The following VDAC1 variants were observed in gnomAD, a reference collection of about 807,000 sequenced individuals.
The protein encoded by VDAC1 is voltage dependent anion channel 1.
VDAC1 carries 10 observed loss-of-function variants against 34.7 expected under a neutral mutation model. The observed-to-expected ratio is 0.29, with a 90% CI of 0.18 to 0.49. The LOEUF (loss-of-function observed/expected upper bound fraction) is 0.49. Ranked by LOEUF, VDAC1 falls within the 20% of genes least tolerant of loss-of-function variation. VDAC1 has a pLI of 0.99. For synonymous variants in VDAC1, 130 were observed against 136.0 expected (o/e 0.96, Z 0.30); for missense variants, 230 against 347.9 (o/e 0.66, Z 2.69).
chr5:134,035,460 C>G, the VDAC1 span, among the ~76,000 whole-genome samples: 9 of 152,306 alleles, frequency 5.9e-5, no homozygotes, highest in South Asian at 1.9e-3. Flanking sequence ...TTTGCCCAGA[C>G]TGGTCTTGAA....
the VDAC1 span, among the ~76,000 whole-genome samples, chr5:134,092,020 T>C: frequency 6.6e-6 from 1 of 152,242 alleles, no homozygotes; most frequent in African/African-American, 2.4e-5. Flanking sequence ...TGCGCCACTC[T>C]CTGCTCGTTG....
chr5:133,990,875 T>C lies in VDAC1; in HGVS notation c.303A>G (p.Ser101=). Residue 101 remains serine, a synonymous_variant, in exon 5 of 9, where the codon TCA becomes TCG. Transcript: ENST00000265333. ...LARGLKLTFD[S]SFSPNTGKKN... ...CTTACCCAGTGTTAGGTGAGAAGGATGAATCGAAGGTCAGCTTCAGTCCAC... is the reference window on the plus strand; with the variant it reads ...CTTACCCAGTGTTAGGTGAGAAGGACGAATCGAAGGTCAGCTTCAGTCCAC... 1 of 1,562,738 alleles carries C rather than the reference T, an allele frequency of 6.4e-7. No individual in the cohort carries two copies.
intron 5 of VDAC1, chr5:133,988,780 A>C (rs1208187540): frequency 2.6e-5 from 4 of 152,104 alleles, no homozygotes; most frequent in African/African-American, 9.7e-5. Flanking sequence ...CCCAAAAAAA[A>C]AAAAAACCAA....
chr5:134,059,053 G>A, the VDAC1 span, among the ~76,000 whole-genome samples: 1 of 152,234 alleles, frequency 6.6e-6, no homozygotes, highest in Non-Finnish European at 1.5e-5. Flanking sequence ...CTAGATTGTG[G>A]CTTGCCAACC....
chr5:134,111,969 A>G, the VDAC1 span, among the ~76,000 whole-genome samples: 3 of 152,184 alleles, frequency 2.0e-5, no homozygotes, highest in Non-Finnish European at 4.4e-5. Context: ...ATTAAATGAG[A>G]TAATGTGTGT....
chr5:134,021,186 CT>C, the VDAC1 span, among the ~76,000 whole-genome samples: 476 of 146,516 alleles, frequency 3.2e-3, 4 homozygotes, highest in Admixed American at 5.4e-3. Context: ...GAGACCTTGT[CT>C]TTTTTTTTTT....
chr5:134,050,646 G>A, the VDAC1 span, among the ~76,000 whole-genome samples: 1 of 152,220 alleles, frequency 6.6e-6, no homozygotes, highest in Admixed American at 6.5e-5. Flanking sequence ...CAATGTACTG[G>A]TTGACTTGAA....
At chr5:133,994,412 C>T (rs1316796162) in intron 1 of VDAC1, among the ~76,000 whole-genome samples, 10 of 152,174 alleles carry the variant, frequency 6.6e-5, no homozygotes, top group Non-Finnish European at 1.5e-4. Context: ...CTATTTTTGT[C>T]GCTGCTGTGT....
chr5:134,074,305 AAAATAAAT>A, the VDAC1 span, among the ~76,000 whole-genome samples: 26,186 of 136,622 alleles, frequency 0.19, 2,665 homozygotes, highest in East Asian at 0.31. Flanking sequence ...ACTCCATCTC[AAAATAAAT>A]AAATAAATAA....
At chr5:133,994,068 A>T (rs912351408) in intron 1 of VDAC1, among the ~76,000 whole-genome samples, 2 of 152,222 alleles carry the variant, frequency 1.3e-5, no homozygotes, top group African/African-American at 4.8e-5. Context: ...ATCAAAATTC[A>T]TCTGCATATA....
chr5:134,087,788 G>A, the VDAC1 span, among the ~76,000 whole-genome samples: 16 of 141,306 alleles, frequency 1.1e-4, no homozygotes, highest in South Asian at 9.1e-4. Flanking sequence ...CCCGGGAGGC[G>A]GAGGTTGCAG....
At chr5:134,071,516 TC>T in the VDAC1 span, among the ~76,000 whole-genome samples, 4 of 152,188 alleles carry the variant, frequency 2.6e-5, no homozygotes, top group South Asian at 8.3e-4. The surrounding 1 kb of genome is among the most constrained non-coding windows in gnomAD (Gnocchi z 4.1). Flanking sequence ...GCTCTCAGCC[TC>T]CGGCACTTTT....
the VDAC1 span, among the ~76,000 whole-genome samples, chr5:134,039,538 C>T: frequency 3.3e-3 from 509 of 152,186 alleles, 3 homozygotes; most frequent in Middle Eastern, 0.014. Flanking sequence ...ACCGTGTTAG[C>T]CAGGATGGTC....
chr5:134,032,504 G>A, the VDAC1 span, among the ~76,000 whole-genome samples: 1 of 152,160 alleles, frequency 6.6e-6, no homozygotes, highest in African/African-American at 2.4e-5. Context: ...ACATGTGCAA[G>A]ATTATTCTGT....
At chr5:133,989,609 C>T (rs1409847590) in intron 5 of VDAC1, among the ~76,000 whole-genome samples, 3 of 152,094 alleles carry the variant, frequency 2.0e-5, no homozygotes, top group Non-Finnish European at 4.4e-5. Context: ...ATCCACCCAC[C>T]TCAGCCTCCC....
the VDAC1 span, among the ~76,000 whole-genome samples, chr5:134,105,085 C>T: frequency 6.6e-6 from 1 of 152,202 alleles, no homozygotes; most frequent in South Asian, 2.1e-4. Context: ...AGCCCTGGTA[C>T]CCAGCAGAGG....
At chr5:134,056,045 C>T in the VDAC1 span, among the ~76,000 whole-genome samples, 148 of 151,848 alleles carry the variant, frequency 9.7e-4, no homozygotes, top group Admixed American at 2.2e-3. Context: ...TTGAGACCAG[C>T]CTGGCCAATA....
chr5:134,025,944 G>A, the VDAC1 span, among the ~76,000 whole-genome samples: 147 of 152,258 alleles, frequency 9.7e-4, no homozygotes, highest in Middle Eastern at 0.01. Flanking sequence ...GGAAAGATGT[G>A]AGTTTGGATT....
chr5:134,023,978 C>CAA, the VDAC1 span, among the ~76,000 whole-genome samples: 20,808 of 119,514 alleles, frequency 0.17, 1,658 homozygotes, highest in East Asian at 0.33. Context: ...ACTAAAAATA[C>CAA]AAAAAAAAAA....
Sources: gnomAD v4.1 joint callset for allele counts (sites outside exome capture counted in the v4.1 genomes callset) on GRCh38, gnomAD v4.1.1 for gene constraint, Gnocchi (gnomAD v3.1) non-coding constraint, MANE v1.5 for transcripts, NCBI Gene and HGNC (gene_info 2026-07-23, HGNC 2026-07-21) for gene names.